DTD1: variants seen among roughly 807,000 people sequenced by gnomAD.
DTD1 encodes D-tyrosyl-tRNA deacylase 1 homolog.
Under a neutral mutation model 25.6 loss-of-function variants are expected in DTD1, and 13 were observed. That is an observed-to-expected ratio of 0.51 (90% CI 0.33 to 0.81). DTD1 has a LOEUF of 0.81. DTD1 is among the 30% of genes least tolerant of loss of function. The pLI, the probability that DTD1 is intolerant of heterozygous loss-of-function variation, is 0.02. For missense variants in DTD1, 193 were observed against 266.4 expected (o/e 0.72, Z 1.92); for synonymous variants, 110 against 103.6 (o/e 1.06, Z -0.37).
intron 3 of DTD1, among the ~76,000 whole-genome samples, chr20:18,616,241 T>G (rs2060708595): frequency 6.6e-6 from 1 of 152,200 alleles, no homozygotes; most frequent in African/African-American, 2.4e-5. Flanking sequence ...TCCTTTTCTT[T>G]CATTCTCTTC....
At chr20:18,614,041 A>T (rs529110208) in intron 3 of DTD1, among the ~76,000 whole-genome samples, 2 of 152,322 alleles carry the variant, frequency 1.3e-5, no homozygotes, top group Non-Finnish European at 1.5e-5. Flanking sequence ...CCTGGGCTCA[A>T]GTGGTCTGCC....
intron 3 of DTD1, among the ~76,000 whole-genome samples, chr20:18,610,444 G>A (rs957958277): frequency 6.6e-6 from 1 of 152,092 alleles, no homozygotes. Flanking sequence ...AGTGCCTGGG[G>A]CAATCATAAA....
chr20:18,615,869 G>A (rs1368748538), intron 3 of DTD1, among the ~76,000 whole-genome samples: 5 of 152,136 alleles, frequency 3.3e-5, no homozygotes, highest in Non-Finnish European at 1.5e-5. Flanking sequence ...TGCCTCTCCC[G>A]CTTCATAATG....
intron 1 of DTD1, among the ~76,000 whole-genome samples, chr20:18,593,361 A>G (rs537770172): frequency 1.1e-3 from 169 of 152,276 alleles, no homozygotes; most frequent in Non-Finnish European, 1.9e-3. Context: ...TCTGAGAATT[A>G]ATATAGCTGA....
intron 4 of DTD1, among the ~76,000 whole-genome samples, chr20:18,628,958 C>T (rs6136445): frequency 0.31 from 46,159 of 148,350 alleles, 7,625 homozygotes; most frequent in Non-Finnish European, 0.37. Flanking sequence ...GTGATAGAAA[C>T]GTGAAGCTGG....
intron 3 of DTD1, among the ~76,000 whole-genome samples, chr20:18,596,592 T>C (rs1238656257): frequency 6.6e-6 from 1 of 152,188 alleles, no homozygotes; most frequent in Non-Finnish European, 1.5e-5. Context: ...TCATTTTAAG[T>C]TCTTGTAGCC....
rs34218213 is a variant in DTD1, at chr20:18,719,245, ATGTG to A, written c.478-24833_478-24830del. Among the ~76,000 whole-genome samples the A allele has an allele frequency of 4.9e-3, 737 of 149,144 alleles. 2 individuals carry two copies. Among genetic ancestry groups the A allele is most frequent in the Non-Finnish European group, 8.1e-3 (544 of 67,154 alleles). ...TTTCTGTGTGTGTGTGTATATATAT[ATGTG>A]TGTGTGTGTGTGTGTGTGTGTTTGT... On this transcript the variant is annotated intron_variant, in intron 4 of 5. Transcript: ENST00000377452.
intron 4 of DTD1, among the ~76,000 whole-genome samples, chr20:18,695,521 T>C (rs148649275): frequency 5.9e-3 from 30 of 5,120 alleles, no homozygotes; most frequent in South Asian, 0.014. Context: ...CTTCCCTTCC[T>C]TTCCCTTCCC....
chr20:18,744,366 C>T, intron 5 of DTD1, 95 bp downstream of exon 5: 1 of 1,305,106 alleles, frequency 7.7e-7, no homozygotes, highest in South Asian at 1.5e-5. Flanking sequence ...TCATTCATTT[C>T]ACAGCGTTCA....
At chr20:18,716,663 G>T (rs572265049) in intron 4 of DTD1, among the ~76,000 whole-genome samples, 5 of 152,326 alleles carry the variant, frequency 3.3e-5, no homozygotes, top group Non-Finnish European at 5.9e-5. Flanking sequence ...TTAGGTAAAA[G>T]AGTACACTTG....
At chr20:18,588,742 G>T in intron 1 of DTD1, 4 of 985,288 alleles carry the variant, frequency 4.1e-6, no homozygotes, top group Non-Finnish European at 4.8e-6. Context: ...GGGATCTAAA[G>T]AATTCAAGAT....
chr20:18,588,798 G>A (rs2060576842), intron 1 of DTD1: 2 of 985,194 alleles, frequency 2.0e-6, no homozygotes, highest in African/African-American at 3.5e-5. Flanking sequence ...CCGACCCCTG[G>A]TCATCACTCA....
chr20:18,642,224 A>C (rs1252524595), intron 4 of DTD1, among the ~76,000 whole-genome samples: 5 of 152,162 alleles, frequency 3.3e-5, no homozygotes, highest in African/African-American at 9.7e-5. Flanking sequence ...AGCTGTCAAA[A>C]TCAGAAAATT....
At chr20:18,637,336 A>G (rs1447549457) in intron 4 of DTD1, among the ~76,000 whole-genome samples, 1 of 152,202 alleles carries the variant, frequency 6.6e-6, no homozygotes, top group Non-Finnish European at 1.5e-5. Context: ...TGCCTTCTCA[A>G]CGCAATTACA....
intron 4 of DTD1, among the ~76,000 whole-genome samples, chr20:18,741,236 A>C (rs947143879): frequency 6.6e-6 from 1 of 152,210 alleles, no homozygotes; most frequent in African/African-American, 2.4e-5. Flanking sequence ...TGTCACCCAG[A>C]CTGGAGTGCA....
At chr20:18,705,271 C>T (rs1216950884) in intron 4 of DTD1, among the ~76,000 whole-genome samples, 1 of 152,156 alleles carries the variant, frequency 6.6e-6, no homozygotes, top group African/African-American at 2.4e-5. Flanking sequence ...AACAAATTAA[C>T]AATTGGTAAT....
intron 5 of DTD1, among the ~76,000 whole-genome samples, chr20:18,757,507 T>C (rs2061343979): frequency 6.6e-6 from 1 of 152,254 alleles, no homozygotes; most frequent in South Asian, 2.1e-4. Flanking sequence ...GTCAAAGGCC[T>C]GTTCTGCATC....
chr20:18,693,085 G>A (rs1488678145), intron 4 of DTD1, among the ~76,000 whole-genome samples: 2 of 151,752 alleles, frequency 1.3e-5, no homozygotes, highest in African/African-American at 4.8e-5. Flanking sequence ...TAGAGATGGG[G>A]TTTCACCATG....
intron 4 of DTD1, among the ~76,000 whole-genome samples, chr20:18,709,312 A>T (rs2061148860): frequency 6.6e-6 from 1 of 152,316 alleles, no homozygotes; most frequent in African/African-American, 2.4e-5. Flanking sequence ...GTATGTACCT[A>T]GGGTGATATA....
Sources: gnomAD v4.1 joint callset for allele counts (sites outside exome capture counted in the v4.1 genomes callset) on GRCh38, gnomAD v4.1.1 for gene constraint, MANE v1.5 for transcripts, NCBI Gene and HGNC (gene_info 2026-07-23, HGNC 2026-07-21) for gene names.